Variants in MAPK8 observed in about 807,000 individuals in gnomAD.
MAPK8 encodes the protein JUN N-terminal kinase.
MAPK8 carries 13 observed loss-of-function variants against 52.9 expected under a neutral mutation model. That is an observed-to-expected ratio of 0.25 (90% confidence interval 0.16 to 0.39). The LOEUF is 0.39. Ranked by LOEUF, MAPK8 falls within the 10% of genes least tolerant of loss-of-function variation. MAPK8 has a pLI of 1.00. For synonymous variants in MAPK8, 191 were observed against 169.8 expected (o/e 1.12, Z -0.97); for missense variants, 300 against 519.2 (o/e 0.58, Z 4.10).
chr10:48,424,149 A>T lies in MAPK8; in HGVS notation c.678A>T (p.Pro226=). The change falls in exon 7 of 12, where the codon CCA becomes CCT. Residue 226 remains proline, a synonymous_variant. Transcript: ENST00000374189. The part of the protein sequence containing the change: ...GEMVCHKILF[P]GRDYIDQWNK... ...TGGTTTGCCACAAAATCCTCTTTCC[A>T]GGAAGGGACTGTATCCTTGTGCTGC... 1 of 1,613,374 alleles carries T rather than the reference A, an allele frequency of 6.2e-7. No homozygotes were observed. The highest frequency in any genetic ancestry group is 8.5e-7 in the Non-Finnish European group (1 of 1,179,410).
At chr10:48,390,654 C>T (rs1474610131) in intron 1 of MAPK8, among the ~76,000 whole-genome samples, 4 of 152,144 alleles carry the variant, frequency 2.6e-5, no homozygotes, top group Non-Finnish European at 5.9e-5. Context: ...ATTTTATGGA[C>T]GGGGCGGAGC....
At chr10:48,424,443 TTTTA>T (rs1272410887) in intron 7 of MAPK8, 14 of 1,040,930 alleles carry the variant, frequency 1.3e-5, no homozygotes, top group African/African-American at 1.6e-5. Flanking sequence ...GTGTGTGTGA[TTTTA>T]TTTCTTTCTT....
At chr10:48,319,418 A>G (rs895293167) in intron 1 of MAPK8, among the ~76,000 whole-genome samples, 1 of 150,610 alleles carries the variant, frequency 6.6e-6, no homozygotes, top group Non-Finnish European at 1.5e-5. Flanking sequence ...CTTCACACAC[A>G]CCCCCTCCTC....
intron 1 of MAPK8, among the ~76,000 whole-genome samples, chr10:48,366,689 C>T (rs1848076658): frequency 6.6e-6 from 1 of 152,130 alleles, no homozygotes; most frequent in Admixed American, 6.5e-5. Context: ...TTCTATTTCA[C>T]TAAAAAAAAT....
intron 1 of MAPK8, among the ~76,000 whole-genome samples, chr10:48,362,739 T>TC (rs1491079782): frequency 2.3e-4 from 2 of 8,614 alleles, no homozygotes; most frequent in Non-Finnish European, 4.8e-4. Flanking sequence ...TTTTATTAGT[T>TC]TTTTTTTTTT....
At chr10:48,346,349 G>C (rs1273457128) in intron 1 of MAPK8, among the ~76,000 whole-genome samples, 3 of 152,146 alleles carry the variant, frequency 2.0e-5, no homozygotes, top group Non-Finnish European at 2.9e-5. Flanking sequence ...ACAGAGATAG[G>C]AGCTGAGGGG....
At position 48,307,817 on chromosome 10, in the gene MAPK8, C is replaced by T. The variant is rs573265618; in HGVS notation, c.-50+996C>T. 2.0e-5 allele frequency among the ~76,000 whole-genome samples: 3 copies of T among 152,260 alleles called. No individual in the cohort carries two copies. In the East Asian group the frequency reaches 5.8e-4, roughly 29 times the overall value. On this transcript the variant is annotated intron_variant, in intron 1 of 11. Transcript: ENST00000374189. ...TAGAACATCTGTTTTTTCATTCATT[C>T]ATTCATTCAGCAGCTGTTTAGTACC...
At chr10:48,327,082 A>G (rs1234310666) in intron 1 of MAPK8, among the ~76,000 whole-genome samples, 1 of 151,972 alleles carries the variant, frequency 6.6e-6, no homozygotes. Flanking sequence ...GTCTTATTGC[A>G]GTATTTAGGA....
At chr10:48,424,684 A>G (rs2043567406) in intron 7 of MAPK8, 1 of 626,918 alleles carries the variant, frequency 1.6e-6, no homozygotes, top group South Asian at 3.3e-5. Flanking sequence ...TCTCCCTAAT[A>G]TATTGTTAAA....
intron 11 of MAPK8, 26 bp from the exon 12 acceptor site, chr10:48,434,858 T>C (rs757712741): frequency 1.3e-6 from 2 of 1,584,982 alleles, no homozygotes; most frequent in Non-Finnish European, 1.7e-6. Flanking sequence ...TGCAACTGAT[T>C]TGCTGTTTTG....
intron 3 of MAPK8, among the ~76,000 whole-genome samples, chr10:48,406,987 T>G (rs774652248): frequency 1.3e-5 from 2 of 152,230 alleles, no homozygotes; most frequent in Non-Finnish European, 2.9e-5. Context: ...CAGGCCTGCC[T>G]TACAGTTCCC....
At chr10:48,326,165 T>G (rs1256327201) in intron 1 of MAPK8, among the ~76,000 whole-genome samples, 1 of 152,234 alleles carries the variant, frequency 6.6e-6, no homozygotes, top group African/African-American at 2.4e-5. Context: ...CTACATAAAT[T>G]ATTAATATTT....
intron 1 of MAPK8, among the ~76,000 whole-genome samples, chr10:48,326,481 C>T (rs1157191192): frequency 2.6e-5 from 4 of 152,122 alleles, no homozygotes; most frequent in Non-Finnish European, 5.9e-5. Flanking sequence ...AGCCGTTTCT[C>T]TAAGGAGCAC....
intron 5 of MAPK8, among the ~76,000 whole-genome samples, chr10:48,413,702 G>A (rs1170041629): frequency 6.6e-6 from 1 of 150,664 alleles, no homozygotes; most frequent in African/African-American, 2.4e-5. Context: ...TGTAAAGTTT[G>A]TTTTTGCTCT....
intron 1 of MAPK8, among the ~76,000 whole-genome samples, chr10:48,310,958 A>G (rs1841925305): frequency 6.6e-6 from 1 of 152,008 alleles, no homozygotes; most frequent in Non-Finnish European, 1.5e-5. Context: ...CCTTACAATG[A>G]TTGCTAGCGT....
chr10:48,360,127 AC>A (rs1278073187), intron 1 of MAPK8, among the ~76,000 whole-genome samples: 2 of 152,126 alleles, frequency 1.3e-5, no homozygotes, highest in African/African-American at 4.8e-5. Context: ...AGATCGTGTC[AC>A]TGCACTCCAG....
chr10:48,319,384 C>T (rs1288975804), intron 1 of MAPK8, among the ~76,000 whole-genome samples: 2 of 152,170 alleles, frequency 1.3e-5, no homozygotes, highest in East Asian at 3.8e-4. Flanking sequence ...TAACCTCATA[C>T]TCACTAGCAG....
At chr10:48,348,042 A>G (rs778886870) in intron 1 of MAPK8, among the ~76,000 whole-genome samples, 8 of 152,166 alleles carry the variant, frequency 5.3e-5, no homozygotes, top group Non-Finnish European at 1.2e-4. Flanking sequence ...ATTTCTCCAC[A>G]TCCTCTCCAG....
intron 1 of MAPK8, among the ~76,000 whole-genome samples, chr10:48,370,570 G>A (rs1278597052): frequency 1.3e-5 from 2 of 152,140 alleles, no homozygotes; most frequent in Admixed American, 1.3e-4. Context: ...GAGGTCTTAT[G>A]TGCAAAGAAT....
Sources: gnomAD v4.1 joint callset for allele counts (sites outside exome capture counted in the v4.1 genomes callset) on GRCh38, gnomAD v4.1.1 for gene constraint, MANE v1.5 for transcripts, NCBI Gene and HGNC (gene_info 2026-07-23, HGNC 2026-07-21) for gene names.